CTNNA2: variants seen among roughly 807,000 people sequenced by gnomAD.
CTNNA2 encodes the protein catenin alpha-2.
Under a neutral mutation model 101.0 loss-of-function variants are expected in CTNNA2, and 42 were observed. The observed-to-expected ratio is 0.42, with a 90% CI of 0.32 to 0.54. The LOEUF is 0.54. Ranked by LOEUF, CTNNA2 falls within the 20% of genes least tolerant of loss-of-function variation. The probability of loss-of-function intolerance (pLI) is 0.14; values close to 1 mark genes in which losing one functional copy is unlikely to be tolerated. For synonymous variants in CTNNA2, 450 were observed against 456.4 expected, an observed-to-expected ratio of 0.99 and a Z score of 0.18; for missense variants, 871 against 1,223.1, an observed-to-expected ratio of 0.71 and a Z score of 4.29.
intron 6 of CTNNA2, among the ~76,000 whole-genome samples, chr2:79,890,004 G>A (rs1684189628): frequency 6.6e-6 from 1 of 152,252 alleles, no homozygotes; most frequent in East Asian, 1.9e-4. Context: ...GATTCTTAAC[G>A]TGAGACCTAA....
chr2:80,443,570 A>G (rs1682793108), intron 9 of CTNNA2, among the ~76,000 whole-genome samples: 1 of 152,154 alleles, frequency 6.6e-6, no homozygotes, highest in South Asian at 2.1e-4. Context: ...CAGTCGGTTG[A>G]GTAGTATAGT....
At chr2:79,285,521 C>T (rs1675545058) in intron 2 of CTNNA2, among the ~76,000 whole-genome samples, 1 of 139,730 alleles carries the variant, frequency 7.2e-6, no homozygotes, top group African/African-American at 2.7e-5. Flanking sequence ...ACCCAGTAGT[C>T]ATTCAGGAGC....
intron 9 of CTNNA2, among the ~76,000 whole-genome samples, chr2:80,511,020 G>C (rs1288102197): frequency 6.6e-6 from 1 of 152,164 alleles, no homozygotes; most frequent in Non-Finnish European, 1.5e-5. Flanking sequence ...TCAGGGAAGG[G>C]AAGGCTTTGG....
chr2:79,874,908 G>A (rs1027815739), intron 6 of CTNNA2, among the ~76,000 whole-genome samples: 11 of 152,154 alleles, frequency 7.2e-5, no homozygotes, highest in South Asian at 4.1e-4. Flanking sequence ...ATAATTTGAC[G>A]ATCATCTTTA....
chr2:80,056,174 G>A lies in CTNNA2; in HGVS notation c.1056+146377G>A, dbSNP rs201846444. Among the ~76,000 whole-genome samples the A allele has an allele frequency of 9.9e-5, 15 of 152,206 alleles. No homozygotes were observed. In the East Asian group the frequency reaches 2.1e-3, roughly 22 times the overall value. ...TTCTGTGAGTTGAGATGAATGCTTC[G>A]TCTCTAGCCTTCTCTTGCTGGCGGA... On this transcript the variant is annotated intron_variant, in intron 7 of 18. Transcript: ENST00000402739.
At chr2:80,211,307 A>G (rs916961385) in intron 7 of CTNNA2, among the ~76,000 whole-genome samples, 4 of 152,154 alleles carry the variant, frequency 2.6e-5, no homozygotes, top group Non-Finnish European at 5.9e-5. Context: ...TATGGCCTGA[A>G]TGGTATTGCC....
At chr2:79,917,438 C>A (rs1343697738) in intron 7 of CTNNA2, among the ~76,000 whole-genome samples, 1 of 152,086 alleles carries the variant, frequency 6.6e-6, no homozygotes, top group Non-Finnish European at 1.5e-5. Context: ...CCAATCCTTT[C>A]TCTGAGGTGA....
At chr2:79,742,565 T>G (rs1001575557) in intron 2 of CTNNA2, among the ~76,000 whole-genome samples, 1 of 152,184 alleles carries the variant, frequency 6.6e-6, no homozygotes, top group South Asian at 2.1e-4. Flanking sequence ...AGTAACATGT[T>G]CATGTGTTAG....
intron 2 of CTNNA2, among the ~76,000 whole-genome samples, chr2:79,235,718 A>C (rs1392098653): frequency 1.3e-5 from 2 of 152,132 alleles, no homozygotes; most frequent in African/African-American, 4.8e-5. Context: ...AGTTCCATTC[A>C]GCTAGGTGCT....
chr2:80,229,077 C>T (rs1454307644), intron 7 of CTNNA2, among the ~76,000 whole-genome samples: 1 of 152,090 alleles, frequency 6.6e-6, no homozygotes, highest in Non-Finnish European at 1.5e-5. Context: ...ATAGATTTTT[C>T]CATGTCACAA....
rs957179996 is a variant in CTNNA2 at position 79,419,737 on chromosome 2, G to A, written c.-135+45724G>A. 2.6e-5 allele frequency among the ~76,000 whole-genome samples: 4 copies of A among 152,066 alleles called. No homozygotes were observed. In the East Asian group the frequency reaches 7.7e-4, roughly 29 times the overall value. ...AAGTTAACATATAACTTCGTAGTGT[G>A]AGGACTTTAATAATAAATAGCGCAG... is the stretch of plus-strand genomic sequence containing the variant. On this transcript the variant is annotated intron_variant, in intron 4 of 21. Transcript: ENST00000466387.
intron 7 of CTNNA2, among the ~76,000 whole-genome samples, chr2:80,315,259 A>G (rs1234883967): frequency 1.3e-5 from 2 of 152,208 alleles, no homozygotes; most frequent in Non-Finnish European, 2.9e-5. Flanking sequence ...AGCAAAATCA[A>G]AATGAAAAAG....
At chr2:80,020,937 C>A (rs976386923) in intron 7 of CTNNA2, among the ~76,000 whole-genome samples, 3 of 150,270 alleles carry the variant, frequency 2.0e-5, no homozygotes, top group Admixed American at 1.3e-4. Context: ...GCCACCCAAG[C>A]AAGTCTCACT....
intron 7 of CTNNA2, among the ~76,000 whole-genome samples, chr2:80,389,508 T>C (rs1052197979): frequency 2.0e-5 from 3 of 152,102 alleles, no homozygotes; most frequent in Non-Finnish European, 4.4e-5. Flanking sequence ...TATCTCTCCC[T>C]CTTTTCCTCT....
chr2:79,251,271 T>C (rs1418229138), intron 2 of CTNNA2, among the ~76,000 whole-genome samples: 2 of 152,268 alleles, frequency 1.3e-5, no homozygotes, highest in African/African-American at 2.4e-5. Flanking sequence ...TACTGATCCA[T>C]GATTCAAAAA....
At chr2:79,838,073 T>C (rs1459008415) in intron 3 of CTNNA2, among the ~76,000 whole-genome samples, 2 of 152,144 alleles carry the variant, frequency 1.3e-5, no homozygotes, top group Admixed American at 1.3e-4. Flanking sequence ...AAAAATGAGA[T>C]TGATTCCATT....
chr2:79,850,554 CA>C (rs1399144140), intron 3 of CTNNA2, among the ~76,000 whole-genome samples: 1 of 151,910 alleles, frequency 6.6e-6, no homozygotes, highest in Non-Finnish European at 1.5e-5. Flanking sequence ...CATATGTAAA[CA>C]AATAATTTTC....
At chr2:80,243,406 G>GGTCA (rs1671090611) in intron 7 of CTNNA2, among the ~76,000 whole-genome samples, 2 of 151,646 alleles carry the variant, frequency 1.3e-5, no homozygotes, top group African/African-American at 2.4e-5. Context: ...ATATTTCCTT[G>GGTCA]GGCTATTTGC....
intron 3 of CTNNA2, among the ~76,000 whole-genome samples, chr2:79,812,205 G>GT (rs1216377416): frequency 3.9e-5 from 6 of 152,030 alleles, no homozygotes; most frequent in Admixed American, 2.6e-4. Context: ...TTTTATTTCT[G>GT]TTTTTTCATT....
Sources: allele counts gnomAD v4.1 joint callset (sites outside exome capture counted in the v4.1 genomes callset), GRCh38; gene constraint gnomAD v4.1.1; transcripts MANE v1.5; gene names NCBI Gene and HGNC (gene_info 2026-07-23, HGNC 2026-07-21).